Variants in XKR4 observed in about 807,000 individuals in gnomAD.
The protein encoded by XKR4 is XK related 4.
In XKR4, 12 loss-of-function variants were observed where a neutral mutation model predicts 53.9. That is an observed-to-expected ratio of 0.22 (90% CI 0.14 to 0.36). The LOEUF is 0.36. Ranked by LOEUF, XKR4 falls within the 10% of genes least tolerant of loss-of-function variation. XKR4 has a pLI of 1.00. For synonymous variants in XKR4, 354 were observed against 362.4 expected (o/e 0.98, Z 0.26); for missense variants, 799 against 859.5 (o/e 0.93, Z 0.88).
At chr8:55,438,624 A>G (rs1464795600) in intron 2 of XKR4, among the ~76,000 whole-genome samples, 4 of 151,776 alleles carry the variant, frequency 2.6e-5, no homozygotes, top group African/African-American at 9.7e-5. Flanking sequence ...GAGACTTATA[A>G]AAGAAGATGC....
chr8:55,286,084 A>G (rs906342522), intron 1 of XKR4, among the ~76,000 whole-genome samples: 10 of 152,222 alleles, frequency 6.6e-5, no homozygotes, highest in Admixed American at 3.3e-4. Flanking sequence ...CAGCAGTCAC[A>G]TTTGTTGCCA....
chr8:55,233,665 G>A lies in XKR4; in HGVS notation c.807-124013G>A, dbSNP rs544924120. On this transcript the variant is annotated intron_variant, in intron 1 of 2. Coordinates refer to ENST00000327381, the MANE Select transcript of XKR4 (RefSeq NM_052898.2). Reference sequence around the variant, plus strand: ...CATGGGGGATGGGGACACCCCCAAAGTATGCAAATGCCTGAACTGTGATTT... The same window carrying A: ...CATGGGGGATGGGGACACCCCCAAAATATGCAAATGCCTGAACTGTGATTT... 3.9e-5 allele frequency among the ~76,000 whole-genome samples: 6 copies of A among 152,366 alleles called. No individual in the cohort carries two copies. In the South Asian group the frequency reaches 1.2e-3, roughly 32 times the overall value.
chr8:55,180,916 C>T (rs981664731), intron 1 of XKR4, among the ~76,000 whole-genome samples: 6 of 152,122 alleles, frequency 3.9e-5, no homozygotes, highest in South Asian at 4.1e-4. Flanking sequence ...CTCTCAAATA[C>T]GGAGGAGTTA....
intron 1 of XKR4, among the ~76,000 whole-genome samples, chr8:55,226,820 A>G (rs1051591864): frequency 3.3e-5 from 5 of 152,196 alleles, no homozygotes; most frequent in Non-Finnish European, 7.3e-5. Flanking sequence ...ACAGCAGAGT[A>G]TCTTCCTCAA....
intron 1 of XKR4, among the ~76,000 whole-genome samples, chr8:55,286,235 T>C (rs905222123): frequency 3.3e-5 from 5 of 152,116 alleles, no homozygotes; most frequent in South Asian, 2.1e-4. Context: ...TCAGACATAA[T>C]GAGATCATCT....
At chr8:55,465,932 A>G (rs1166470395) in intron 2 of XKR4, among the ~76,000 whole-genome samples, 38 of 152,086 alleles carry the variant, frequency 2.5e-4, no homozygotes, top group African/African-American at 8.0e-4. Flanking sequence ...CAAAACCACA[A>G]TGAGATACCA....
At position 55,527,999 on chromosome 8, in the gene XKR4, T is replaced by G. The variant is rs750935289; in HGVS notation, c.*3772T>G. 1.3e-5 allele frequency: 2 copies of G among 151,644 alleles called. No homozygotes were observed. The highest frequency in any genetic ancestry group is 2.9e-5 in the Non-Finnish European group (2 of 68,004). The allele number at this position is 151,644 out of a possible 1,614,324, so 9.4% of individuals were successfully genotyped here. On this transcript the variant is annotated 3_prime_UTR_variant, in exon 3 of 3. Transcript: ENST00000327381. ...GTATATATACGTACCTATATATGTA[T>G]GTACACACACACACACACACACTTT...
chr8:55,398,521 G>A (rs1321692532), intron 2 of XKR4, among the ~76,000 whole-genome samples: 1 of 152,176 alleles, frequency 6.6e-6, no homozygotes, highest in African/African-American at 2.4e-5. Context: ...AGCATCCTTC[G>A]GTGAAAGGAG....
intron 2 of XKR4, among the ~76,000 whole-genome samples, chr8:55,368,104 G>A (rs766450839): frequency 6.6e-6 from 1 of 152,046 alleles, no homozygotes; most frequent in Non-Finnish European, 1.5e-5. Context: ...GAGACTACAG[G>A]CACACACCAC....
intron 1 of XKR4, among the ~76,000 whole-genome samples, chr8:55,340,580 G>T (rs891818495): frequency 1.3e-5 from 2 of 152,184 alleles, no homozygotes; most frequent in Admixed American, 6.5e-5. Context: ...GATCCCAAAG[G>T]CCAGCTCAGG....
At chr8:55,228,710 C>A (rs951567412) in intron 1 of XKR4, among the ~76,000 whole-genome samples, 8 of 152,120 alleles carry the variant, frequency 5.3e-5, no homozygotes, top group Non-Finnish European at 7.4e-5. Flanking sequence ...CTACTGCTGG[C>A]CTCCTTCTGT....
At chr8:55,151,254 C>A (rs10958444) in intron 1 of XKR4, among the ~76,000 whole-genome samples, 59,951 of 151,686 alleles carry the variant, frequency 0.4, 13,462 homozygotes, top group African/African-American at 0.63. Flanking sequence ...TCTGGCCTGC[C>A]AAGCAAACTT....
rs374779733 is a variant in XKR4 at position 55,141,446 on chromosome 8, C to T, written c.806+38152C>T. Among the ~76,000 whole-genome samples, 274 of 152,162 alleles carry T rather than the reference C, an allele frequency of 1.8e-3. 1 individual carries two copies. Among genetic ancestry groups the T allele is most frequent in the African/African-American group, 6.1e-3 (252 of 41,528 alleles). ...CCTCACCTTCCGTCTCTACTGGGGC[C>T]CCAAATCCCATCTTCCTCAGGGACT... On this transcript the variant is annotated intron_variant, in intron 1 of 2. Transcript: ENST00000327381.
intron 1 of XKR4, among the ~76,000 whole-genome samples, chr8:55,199,376 T>C (rs1342800891): frequency 2.0e-5 from 3 of 152,232 alleles, no homozygotes; most frequent in Non-Finnish European, 1.5e-5. Context: ...GTGTAGTTCA[T>C]AGATAATTGT....
At chr8:55,309,579 G>A (rs987134456) in intron 1 of XKR4, among the ~76,000 whole-genome samples, 1 of 152,158 alleles carries the variant, frequency 6.6e-6, no homozygotes, top group Non-Finnish European at 1.5e-5. Flanking sequence ...ATAAGTACAA[G>A]TGAAATGAGA....
chr8:55,296,718 G>A lies in XKR4; in HGVS notation c.807-60960G>A, dbSNP rs150826949. On this transcript the variant is annotated intron_variant, in intron 1 of 2. Transcript: ENST00000327381. The stretch of plus-strand genomic sequence containing the variant: ...TAACAGTTTTAGATGGAAAGAAACT[G>A]CCCAAGACTATGCAGGACCAGAGGA... Among the ~76,000 whole-genome samples, 191 of 152,198 alleles carry A rather than the reference G, an allele frequency of 1.3e-3. 1 individual carries two copies. Among genetic ancestry groups the A allele is most frequent in the South Asian group, 3.5e-3 (17 of 4,818 alleles).
chr8:55,288,545 C>A (rs1818939451), intron 1 of XKR4, among the ~76,000 whole-genome samples: 1 of 152,108 alleles, frequency 6.6e-6, no homozygotes, highest in South Asian at 2.1e-4. Flanking sequence ...AATAATGAAT[C>A]TTATACTTGG....
chr8:55,122,300 A>C (rs1816403257), intron 1 of XKR4, among the ~76,000 whole-genome samples: 1 of 152,210 alleles, frequency 6.6e-6, no homozygotes, highest in Non-Finnish European at 1.5e-5. Context: ...TTTTGCATAA[A>C]AATTTGTTTC....
intron 1 of XKR4, among the ~76,000 whole-genome samples, chr8:55,256,767 G>T (rs568938441): frequency 6.6e-6 from 1 of 152,316 alleles, no homozygotes; most frequent in African/African-American, 2.4e-5. Context: ...TGGAAGATGA[G>T]AAGTTTTACT....
Sources: allele counts gnomAD v4.1 joint callset (sites outside exome capture counted in the v4.1 genomes callset), GRCh38; gene constraint gnomAD v4.1.1; transcripts MANE v1.5; gene names NCBI Gene and HGNC (gene_info 2026-07-23, HGNC 2026-07-21).